Variants in PTCH1 observed in about 807,000 individuals in gnomAD.
PTCH1 encodes the protein patched 1.
In PTCH1, 14 loss-of-function variants were observed where a neutral mutation model predicts 144.6. The ratio of observed to expected loss-of-function variants is 0.10; its 90% CI spans 0.06 to 0.15. The LOEUF is 0.15. Among genes scored for constraint, PTCH1 ranks in the 10% least tolerant of loss-of-function variants. PTCH1 has a pLI of 1.00. For missense variants in PTCH1, 1,623 were observed against 1,948.3 expected, an observed-to-expected ratio of 0.83 and a Z score of 3.14; for synonymous variants, 833 against 793.6, an observed-to-expected ratio of 1.05 and a Z score of -0.83.
At chr9:95,482,425 G>C (rs1255889339) in intron 3 of PTCH1, 1 of 582,804 alleles carries the variant, frequency 1.7e-6, no homozygotes, top group Non-Finnish European at 3.0e-6. Flanking sequence ...GTAAATGAAT[G>C]CTACCAAAGT....
chr9:95,516,064 T>C (rs1206820442), intron 1 of PTCH1, among the ~76,000 whole-genome samples: 2 of 152,064 alleles, frequency 1.3e-5, no homozygotes, highest in Middle Eastern at 3.4e-3. Flanking sequence ...GGCGAGTCAG[T>C]AGCCACCACC....
chr9:95,511,934 CTA>C (rs1278726553), upstream of PTCH1, among the ~76,000 whole-genome samples: 1 of 152,146 alleles, frequency 6.6e-6, no homozygotes, highest in Non-Finnish European at 1.5e-5. Flanking sequence ...AGACACGTTG[CTA>C]TGTTTGTCTT....
chr9:95,468,966 C>T lies in PTCH1; in HGVS notation c.2035G>A (p.Ala679Thr), dbSNP rs771882746. Residue 679 changes from alanine (A) to threonine (T), a missense_variant, in exon 14 of 24, where the codon GCT becomes ACT. Ala to Thr is a moderately conservative substitution (Grantham distance 58, BLOSUM62 0). Coordinates refer to ENST00000331920, the MANE Select transcript of PTCH1 (RefSeq NM_000264.5). ...ACAGAGATCTCGGAGCGCGGCTCAG[C>T]GGTGGTGTAGTACACGTGCGTGTGG... The part of the protein sequence containing the change: ...DPHTHVYYTT[A>T]EPRSEISVQP... The T allele has an allele frequency of 5.0e-6, 8 of 1,613,860 alleles. No individual in the cohort carries two copies. The highest frequency in any genetic ancestry group is 3.3e-5 in the Admixed American group (2 of 59,994).
chr9:95,480,122 G>T (rs2118398348), intron 6 of PTCH1, 32 bp from the exon 7 acceptor site: 1 of 1,613,376 alleles, frequency 6.2e-7, no homozygotes, highest in Non-Finnish European at 8.5e-7. Flanking sequence ...ATAATTATGG[G>T]AATTAGTAGG....
chr9:95,446,624 G>A (rs1680511164), intron 23 of PTCH1: 3 of 541,442 alleles, frequency 5.5e-6, no homozygotes, highest in Admixed American at 5.9e-5. Context: ...CATAAAGACT[G>A]GCAAATATTG....
At position 95,476,302 on chromosome 9, in the gene PTCH1, C is replaced by T; in HGVS notation, c.1603-143G>A. 8.5e-7 allele frequency: 1 copy of T among 1,176,432 alleles called. No homozygotes were observed. Among genetic ancestry groups the T allele is most frequent in the Non-Finnish European group, 1.2e-6 (1 of 820,922 alleles). The allele number at this position is 1,176,432 out of a possible 1,614,324, so 72.9% of individuals were successfully genotyped here. A position where few individuals can be genotyped will look rare whatever the true frequency, so the allele number is the denominator to read the frequency against. ...GGCATTAGGGAAACAGAGCCACCTG[C>T]CTTACCCCCTAACACCAGCATTATT... On this transcript the variant is annotated intron_variant, in intron 11 of 23. Transcript: ENST00000331920. The surrounding 1 kb of genome is among the most constrained non-coding windows in gnomAD (Gnocchi z 4.6).
intron 1 of PTCH1, chr9:95,507,902 G>GTA: frequency 2.3e-6 from 3 of 1,288,384 alleles, no homozygotes; most frequent in Non-Finnish European, 3.0e-6. Context: ...GAGGGCGTGT[G>GTA]TATACACACA....
At chr9:95,469,305 C>T (rs1026193156) in intron 13 of PTCH1, 152 bp from the exon 14 acceptor site, 2 of 1,096,626 alleles carry the variant, frequency 1.8e-6, no homozygotes, top group South Asian at 2.8e-5. Flanking sequence ...AGAAACATCG[C>T]CTGGTTGATA....
intron 12 of PTCH1, among the ~76,000 whole-genome samples, chr9:95,475,646 GA>G (rs1432025955): frequency 6.6e-6 from 1 of 152,184 alleles, no homozygotes. Context: ...GGCAGCGGGA[GA>G]GGGGGTAAGT....
rs1838236724 is a variant in PTCH1, at chr9:95,449,292, G to T, written c.3581C>A (p.Pro1194His). 6.4e-7 allele frequency: 1 copy of T among 1,557,430 alleles called. No homozygotes were observed. The highest frequency in any genetic ancestry group is 8.7e-7 in the Non-Finnish European group (1 of 1,151,072). ...VSPANGLNRL[P>H]TPSPEPPPSV... Reference sequence around the variant, plus strand: ...GGGGGGTGGCTCAGGGGAGGGTGTGGGCAGGCGGTTCAAGCCGTTGGCTGG... The same window carrying T: ...GGGGGGTGGCTCAGGGGAGGGTGTGTGCAGGCGGTTCAAGCCGTTGGCTGG... Residue 1194 changes from proline (P) to histidine (H), a missense_variant, in exon 22 of 24, where the codon CCC becomes CAC. Coordinates refer to ENST00000331920, the MANE Select transcript of PTCH1 (RefSeq NM_000264.5). This position sits in a 1 kb window ranked among gnomAD's most constrained non-coding sequence, Gnocchi z 5.3.
At position 95,458,055 on chromosome 9, in the gene PTCH1, C is replaced by T. The variant is rs1304408291; in HGVS notation, c.3126G>A (p.Val1042=). The change falls in exon 18 of 24, where the codon GTG becomes GTA. Residue 1042 remains valine, a synonymous_variant. Coordinates refer to ENST00000331920, the MANE Select transcript of PTCH1 (RefSeq NM_000264.5). The surrounding 1 kb of genome is among the most constrained non-coding windows in gnomAD (Gnocchi z 4.7). Reference sequence around the variant, plus strand: ...AGGGGTTCAGAAGGAAGACAGCGCACACGAGGAATGTGCAGGCCAACACCA... The same window carrying T: ...AGGGGTTCAGAAGGAAGACAGCGCATACGAGGAATGTGCAGGCCAACACCA... ...ISVVLACTFL[V]CAVFLLNPWT... 1 of 1,614,194 alleles carries T rather than the reference C, an allele frequency of 6.2e-7. No individual in the cohort carries two copies. The highest frequency in any genetic ancestry group is 1.1e-5 in the South Asian group (1 of 91,088).
intron 12 of PTCH1, among the ~76,000 whole-genome samples, chr9:95,474,526 A>G (rs1840868890): frequency 1.3e-5 from 2 of 152,204 alleles, no homozygotes; most frequent in Admixed American, 1.3e-4. Flanking sequence ...TTCTATATAA[A>G]TTTATAATAT....
rs1317038147 is a variant in PTCH1 at position 95,508,427 on chromosome 9, C to T, written c.-66G>A. On this transcript the variant is annotated 5_prime_UTR_variant, in exon 1 of 24. Transcript: ENST00000331920. ...CCCGGGCGGCCCGGCGCGCTGCTGC[C>T]GCTGCTGCGGGCTCCTGGCGCGCCT... 5.0e-5 allele frequency: 52 copies of T among 1,046,930 alleles called. 1 individual carries two copies. In the South Asian group the frequency reaches 7.5e-4, roughly 15 times the overall value. The allele number at this position is 1,046,930 out of a possible 1,614,324, so 64.9% of individuals were successfully genotyped here. A position where few individuals can be genotyped will look rare whatever the true frequency, so the allele number is the denominator to read the frequency against.
chr9:95,495,303 G>C (rs1842712974), intron 2 of PTCH1: 1 of 152,168 alleles, frequency 6.6e-6, no homozygotes, highest in Non-Finnish European at 1.5e-5. Flanking sequence ...GTGGGGGCGT[G>C]GCAGAGAAAA....
intron 15 of PTCH1, 46 bp from the exon 16 acceptor site, chr9:95,462,044 A>G (rs375446594): frequency 2.5e-6 from 4 of 1,613,146 alleles, no homozygotes; most frequent in Admixed American, 3.3e-5. Flanking sequence ...CGCAGCCAGA[A>G]GGACCCTGGT....
At chr9:95,489,443 G>T (rs2118611925) in intron 2 of PTCH1, among the ~76,000 whole-genome samples, 1 of 152,152 alleles carries the variant, frequency 6.6e-6, no homozygotes, top group Non-Finnish European at 1.5e-5. Context: ...CAACCTCCTG[G>T]GCTTAAGCGA....
intron 2 of PTCH1, among the ~76,000 whole-genome samples, chr9:95,487,078 A>G (rs1271563982): frequency 6.6e-6 from 1 of 152,210 alleles, no homozygotes; most frequent in Non-Finnish European, 1.5e-5. Context: ...ACAAGTAAAT[A>G]AGGACTGGGA....
At chr9:95,468,582 G>A (rs1384658191) in intron 14 of PTCH1, among the ~76,000 whole-genome samples, 169 bp downstream of exon 14, 2 of 152,074 alleles carry the variant, frequency 1.3e-5, no homozygotes, top group African/African-American at 4.8e-5. Context: ...TCATTAAAAT[G>A]GCCCTATGCT....
rs926583525 is a variant in PTCH1, at chr9:95,449,243, C to A, written c.3630G>T (p.Pro1210=). The A allele has an allele frequency of 6.3e-7, 1 of 1,581,154 alleles. No individual in the cohort carries two copies. Among genetic ancestry groups the A allele is most frequent in the Admixed American group, 1.9e-5 (1 of 53,890 alleles). ...PPPSVVRFAM[P]PGHTHSGSDS... ...CAGACCCGCTGTGCGTGTGGCCGGG[C>A]GGCATGGCGAAGCGGACCACGCTGG... Residue 1210 remains proline (P), a synonymous_variant, in exon 22 of 24, where the codon CCG becomes CCT. Transcript: ENST00000331920. The surrounding 1 kb of genome is among the most constrained non-coding windows in gnomAD (Gnocchi z 5.3).
Sources: allele counts gnomAD v4.1 joint callset (sites outside exome capture counted in the v4.1 genomes callset), GRCh38; gene constraint gnomAD v4.1.1; non-coding constraint Gnocchi (gnomAD v3.1); transcripts MANE v1.5; gene names NCBI Gene and HGNC (gene_info 2026-07-23, HGNC 2026-07-21).